The following SLC38A10 variants were observed in gnomAD, a reference collection of about 807,000 sequenced individuals.
SLC38A10 encodes Sodium-coupled neutral amino acid transporter 10.
SLC38A10 carries 53 observed loss-of-function variants against 81.0 expected under a neutral mutation model. The ratio of observed to expected loss-of-function variants is 0.65; its 90% CI spans 0.53 to 0.82. The LOEUF (loss-of-function observed/expected upper bound fraction) is 0.82. SLC38A10 is among the 40% of genes least tolerant of loss of function. The pLI, the probability that SLC38A10 is intolerant of heterozygous loss-of-function variation, is 0.00. For synonymous variants in SLC38A10, 665 were observed against 655.3 expected (o/e 1.01, Z -0.23); for missense variants, 1,471 against 1,545.0 (o/e 0.95, Z 0.80).
rs2063103266 is a variant in SLC38A10 at position 81,270,301 on chromosome 17, A to G, written c.1131+617T>C. 6.6e-6 allele frequency among the ~76,000 whole-genome samples: 1 copy of G among 152,216 alleles called. No homozygotes were observed. Among genetic ancestry groups the G allele is most frequent in the Non-Finnish European group, 1.5e-5 (1 of 68,042 alleles). On this transcript the variant is annotated intron_variant, in intron 10 of 15. Coordinates refer to ENST00000374759, the MANE Select transcript of SLC38A10 (RefSeq NM_001037984.3). The surrounding 1 kb of genome is among the most constrained non-coding windows in gnomAD (Gnocchi z 4.0). ...CTCAAATACGTCGACATGCTCATGA[A>G]CACAGATATTCATCGCGATTCTGTC...
intron 10 of SLC38A10, among the ~76,000 whole-genome samples, chr17:81,266,662 G>A (rs1013205939): frequency 2.6e-5 from 4 of 151,930 alleles, no homozygotes; most frequent in African/African-American, 7.3e-5. Flanking sequence ...AATCCAGCGG[G>A]AAAAGAGATC....
In SLC38A10 at chr17:81,281,191, T is replaced by A. The variant is rs2063209587; in HGVS notation, c.502-458A>T. ...AGTAAAGAGGTAGCTGCCACTGGGC[T>A]GGCCCTCACTCGGAGAGCTGAGGAG... On this transcript the variant is annotated intron_variant, in intron 5 of 15. Coordinates refer to ENST00000374759, the MANE Select transcript of SLC38A10 (RefSeq NM_001037984.3). This position sits in a 1 kb window ranked among gnomAD's most constrained non-coding sequence, Gnocchi z 5.3. 6.6e-6 allele frequency among the ~76,000 whole-genome samples: 1 copy of A among 152,208 alleles called. No homozygotes were observed. The highest frequency in any genetic ancestry group is 6.5e-5 in the Admixed American group (1 of 15,280).
At chr17:81,272,464 G>A in intron 9 of SLC38A10, 52 bp downstream of exon 9, 1 of 1,236,178 alleles carries the variant, frequency 8.1e-7, no homozygotes, top group Non-Finnish European at 1.1e-6. Context: ...CTTGGTTGAT[G>A]CCGAAGCCCC....
intron 9 of SLC38A10, among the ~76,000 whole-genome samples, chr17:81,271,440 G>A (rs566190516): frequency 5.3e-4 from 80 of 152,340 alleles, no homozygotes; most frequent in African/African-American, 1.9e-3. Context: ...CAGGAGCCCA[G>A]ACAGATCGCC....
chr17:81,272,036 A>AT (rs754299651), intron 9 of SLC38A10, among the ~76,000 whole-genome samples: 153 of 143,848 alleles, frequency 1.1e-3, no homozygotes, highest in South Asian at 4.2e-3. Context: ...AAGCTGCCAG[A>AT]TTTTTTTTTT....
At position 81,283,553 on chromosome 17, in the gene SLC38A10, C is replaced by T; in HGVS notation, c.264-51G>A. The T allele has an allele frequency of 6.8e-7, 1 of 1,465,332 alleles. No homozygotes were observed. Among genetic ancestry groups the T allele is most frequent in the South Asian group, 1.2e-5 (1 of 85,240 alleles). The allele number at this position is 1,465,332 out of a possible 1,614,324, so 90.8% of individuals were successfully genotyped here. On this transcript the variant is annotated intron_variant, in intron 3 of 15. Coordinates refer to ENST00000374759, the MANE Select transcript of SLC38A10 (RefSeq NM_001037984.3). The surrounding 1 kb of genome is among the most constrained non-coding windows in gnomAD (Gnocchi z 4.7). ...AATGCCATCAGGGCAAGCTGGCACA[C>T]ACCTGGGCTGCCGCCAGGGACTACC...
intron 14 of SLC38A10, chr17:81,247,609 T>G (rs2062864609): frequency 2.0e-5 from 3 of 150,772 alleles, no homozygotes; most frequent in Admixed American, 2.0e-4. Flanking sequence ...GCAGATCGCT[T>G]GAGCCCAGGA....
At chr17:81,252,777 C>T (rs2062932128) in intron 12 of SLC38A10, 94 bp from the exon 13 acceptor site, 2 of 1,491,284 alleles carry the variant, frequency 1.3e-6, no homozygotes, top group Middle Eastern at 2.1e-4. Flanking sequence ...GTTCTGGCTC[C>T]CAACAGTGTG....
intron 10 of SLC38A10, among the ~76,000 whole-genome samples, chr17:81,260,702 T>A (rs2063014760): frequency 6.6e-6 from 1 of 152,194 alleles, no homozygotes; most frequent in Non-Finnish European, 1.5e-5. Context: ...GTGCCCTCCA[T>A]GCCAGCTGGG....
At chr17:81,250,917 G>C in intron 14 of SLC38A10, 2 of 1,192,710 alleles carry the variant, frequency 1.7e-6, no homozygotes, top group South Asian at 6.4e-5. Context: ...GAGCAAAGGC[G>C]TAAGGAGCTT....
At chr17:81,282,369 G>A (rs754932725) in intron 4 of SLC38A10, 37 bp from the exon 5 acceptor site, 14 of 1,576,804 alleles carry the variant, frequency 8.9e-6, no homozygotes, top group East Asian at 4.6e-5. Context: ...GCCACAGCCC[G>A]TGCCTGCTCA....
chr17:81,275,769 C>T (rs576465960), intron 8 of SLC38A10, among the ~76,000 whole-genome samples, 200 bp downstream of exon 8: 1 of 151,428 alleles, frequency 6.6e-6, no homozygotes, highest in South Asian at 2.1e-4. Flanking sequence ...GCCATGTGCC[C>T]ATCTCCAGAC....
At chr17:81,266,659 C>A (rs868818368) in intron 10 of SLC38A10, among the ~76,000 whole-genome samples, 14 of 151,660 alleles carry the variant, frequency 9.2e-5, no homozygotes, top group Middle Eastern at 3.4e-3. Flanking sequence ...GAAAATCCAG[C>A]GGGAAAAGAG....
chr17:81,249,429 AGGAG>A (rs1318954857), intron 14 of SLC38A10, among the ~76,000 whole-genome samples: 19 of 68,234 alleles, frequency 2.8e-4, no homozygotes, highest in Non-Finnish European at 3.6e-4. Context: ...AGGAGGGAGA[AGGAG>A]GGAGGGAGAA....
At chr17:81,268,092 T>TGATGAACGCCAAGCAGAA (rs1049103957) in intron 10 of SLC38A10, among the ~76,000 whole-genome samples, 29 of 151,540 alleles carry the variant, frequency 1.9e-4, no homozygotes, top group Non-Finnish European at 2.6e-4. Flanking sequence ...GCCAGCAAGA[T>TGATGAACGCCAAGCAGAA]GATGAACGCC....
In SLC38A10 at chr17:81,245,363, CA is replaced by C; in HGVS notation, c.*192del. 2.9e-6 allele frequency: 2 copies of C among 682,890 alleles called. No individual in the cohort carries two copies. The allele number at this position is 682,890 out of a possible 1,614,324, so 42.3% of individuals were successfully genotyped here. On this transcript the variant is annotated 3_prime_UTR_variant, in exon 16 of 16. Transcript: ENST00000374759. The stretch of plus-strand genomic sequence containing the variant: ...CAGACTAAGAGCTGCAACAGAACGA[CA>C]GCAAGAACATTCTGGAAACGATGCC...
Position 81,245,950 on chromosome 17 carries a change from C to T in SLC38A10, c.2966G>A (p.Arg989His), listed in dbSNP as rs566391877. ...GGACACAGGCACATGGTCCCCCCCG[C>T]GGGCCTTTCTCATCTCCAGGTGACC... ...HGGHLEMRKA[R>H]GGDHVPVSHE... The change falls in exon 16 of 16, where the codon CGC becomes CAC. Residue 989 changes from arginine to histidine, a missense_variant. By Grantham distance (29) the Arg-to-His change is conservative. Coordinates refer to ENST00000374759, the MANE Select transcript of SLC38A10 (RefSeq NM_001037984.3). 184 of 1,605,978 alleles carry T rather than the reference C, an allele frequency of 1.1e-4. 2 individuals carry two copies. In the South Asian group the frequency reaches 1.7e-3, roughly 15 times the overall value.
rs1161640858 is a variant in SLC38A10, at chr17:81,246,435, C to T, written c.2481G>A (p.Arg827=). The T allele has an allele frequency of 6.3e-7, 1 of 1,596,020 alleles. No homozygotes were observed. The highest frequency in any genetic ancestry group is 8.5e-7 in the Non-Finnish European group (1 of 1,171,908). The part of the protein sequence containing the change: ...PPDGGPDTEP[R]AAQAKLRDGQ... Reference sequence around the variant, plus strand: ...CATCTCTCAGCTTGGCCTGGGCTGCCCGAGGCTCTGTGTCAGGGCCGCCGT... The same window carrying T: ...CATCTCTCAGCTTGGCCTGGGCTGCTCGAGGCTCTGTGTCAGGGCCGCCGT... The change falls in exon 16 of 16, where the codon CGG becomes CGA. Residue 827 remains arginine (R), a synonymous_variant. Transcript: ENST00000374759.
chr17:81,292,960 A>G (rs1331163309), intron 1 of SLC38A10, among the ~76,000 whole-genome samples: 1 of 152,178 alleles, frequency 6.6e-6, no homozygotes, highest in African/African-American at 2.4e-5. Context: ...CCTGACCAAC[A>G]TGGGGAAACC....
Sources: gnomAD v4.1 joint callset for allele counts (sites outside exome capture counted in the v4.1 genomes callset) on GRCh38, gnomAD v4.1.1 for gene constraint, Gnocchi (gnomAD v3.1) non-coding constraint, MANE v1.5 for transcripts, NCBI Gene and HGNC (gene_info 2026-07-23, HGNC 2026-07-21) for gene names.